The following BASP1 variants were observed in gnomAD, a reference collection of about 807,000 sequenced individuals.
BASP1 encodes the protein brain abundant membrane attached signal protein 1.
In BASP1, 1 loss-of-function variant was observed where a neutral mutation model predicts 2.2. The observed-to-expected ratio is 0.46, with a 90% confidence interval of 0.16 to 2.17. BASP1 has a LOEUF of 2.17. Among genes scored for constraint, BASP1 ranks in the 30% most tolerant of loss-of-function variants. The pLI, the probability that BASP1 is intolerant of heterozygous loss-of-function variation, is 0.27. For synonymous variants in BASP1, 187 were observed against 154.2 expected (o/e 1.21, Z -1.58); for missense variants, 352 against 327.2 (o/e 1.08, Z -0.58).
At chr5:17,254,985 C>T (rs1212507866) in intron 1 of BASP1, among the ~76,000 whole-genome samples, 3 of 152,170 alleles carry the variant, frequency 2.0e-5, no homozygotes, top group Non-Finnish European at 2.9e-5. Flanking sequence ...TAGATAATTT[C>T]AATTCACCCT....
intron 1 of BASP1, among the ~76,000 whole-genome samples, chr5:17,233,074 T>C (rs931473952): frequency 2.0e-5 from 3 of 152,234 alleles, no homozygotes; most frequent in Non-Finnish European, 4.4e-5. Flanking sequence ...CATGTCTAGT[T>C]CTAGCAATAC....
rs1554029415 is a variant in BASP1, at chr5:17,275,944, C to CCCCT, written c.*45_*46insCCTC. On this transcript the variant is annotated 3_prime_UTR_variant, in exon 2 of 2. Coordinates refer to ENST00000322611, the MANE Select transcript of BASP1 (RefSeq NM_006317.5). The surrounding 1 kb of genome is among the most constrained non-coding windows in gnomAD (Gnocchi z 5.3). ...AAAACAATACCACTTAAAACAATCT[C>CCCCT]CTCTCTCTCTCTCTCTCTCTCTCTC... The CCCCT allele has an allele frequency of 7.4e-6, 8 of 1,084,322 alleles. No homozygotes were observed. The African/African-American group carries it at 1.2e-4, about 16-fold the overall frequency. 67.2% of individuals were successfully genotyped at this position (1,084,322 alleles called of 1,614,324 possible). A position where few individuals can be genotyped will look rare whatever the true frequency, so the allele number is the denominator to read the frequency against.
In BASP1 at chr5:17,251,779, CT is replaced by C. The variant is rs1740106309; in HGVS notation, c.-9-23428del. Among the ~76,000 whole-genome samples the C allele has an allele frequency of 6.6e-6, 1 of 152,106 alleles. No homozygotes were observed. The highest frequency in any genetic ancestry group is 2.1e-4 in the South Asian group (1 of 4,820). Reference sequence around the variant, plus strand: ...GCGATGGGGTGGATGTGGTTCTAATCTCTTGGGAGGGAGCAGAGGAGAAAGA... The same window carrying C: ...GCGATGGGGTGGATGTGGTTCTAATCCTTGGGAGGGAGCAGAGGAGAAAGA... On this transcript the variant is annotated intron_variant, in intron 1 of 1. Coordinates refer to ENST00000322611, the MANE Select transcript of BASP1 (RefSeq NM_006317.5). The surrounding 1 kb of genome is among the most constrained non-coding windows in gnomAD (Gnocchi z 4.0).
At chr5:17,238,207 C>T (rs1451859755) in intron 1 of BASP1, among the ~76,000 whole-genome samples, 3 of 151,854 alleles carry the variant, frequency 2.0e-5, no homozygotes, top group Non-Finnish European at 4.4e-5. Context: ...TTGAAATCTT[C>T]CAGATTCATT....
intron 1 of BASP1, among the ~76,000 whole-genome samples, chr5:17,239,124 C>T (rs570409322): frequency 5.3e-5 from 8 of 151,928 alleles, no homozygotes; most frequent in African/African-American, 1.4e-4. Context: ...GATGGAGTCT[C>T]GCTCTGTCAC....
Position 17,221,131 on chromosome 5 carries a change from A to C in BASP1, c.-10+3321A>C, listed in dbSNP as rs148826947. On this transcript the variant is annotated intron_variant, in intron 1 of 1. Transcript: ENST00000322611. ...GCTTTGATACTGGTCTTTGGAACAT[A>C]ATCAATTTCTGTCTTTCTAAATATG... 7.3e-4 allele frequency among the ~76,000 whole-genome samples: 111 copies of C among 152,310 alleles called. 1 individual carries two copies. In the East Asian group the frequency reaches 0.019, roughly 27 times the overall value.
chr5:17,265,225 G>C (rs935913733), intron 1 of BASP1, among the ~76,000 whole-genome samples: 2 of 152,322 alleles, frequency 1.3e-5, no homozygotes, highest in Admixed American at 6.5e-5. Context: ...CCTGGAAATT[G>C]TGCATTGTGC....
chr5:17,275,547 C>G lies in BASP1; in HGVS notation c.331C>G (p.Pro111Ala). 7.1e-7 allele frequency: 1 copy of G among 1,405,034 alleles called. No homozygotes were observed. Among genetic ancestry groups the G allele is most frequent in the Non-Finnish European group, 9.2e-7 (1 of 1,084,250 alleles). 87.0% of individuals were successfully genotyped at this position (1,405,034 alleles called of 1,614,324 possible). A position where few individuals can be genotyped will look rare whatever the true frequency, so the allele number is the denominator to read the frequency against. ...GGCGCCCGAGCAGGAGCAGGCGGCC[C>G]CCGGCCCCGCTGCGGGCGGCGAGGC... ...PKAPEQEQAA[P>A]GPAAGGEAPK... Residue 111 changes from proline to alanine, a missense_variant, in exon 2 of 2, where the codon CCC becomes GCC. Pro to Ala is a conservative substitution (Grantham distance 27). Transcript: ENST00000322611. The surrounding 1 kb of genome is among the most constrained non-coding windows in gnomAD (Gnocchi z 5.3).
intron 1 of BASP1, among the ~76,000 whole-genome samples, chr5:17,270,688 A>G (rs1249941539): frequency 6.6e-6 from 1 of 152,204 alleles, no homozygotes; most frequent in Non-Finnish European, 1.5e-5. Context: ...CTGTGTGCTA[A>G]CTATTCTGTT....
intron 1 of BASP1, among the ~76,000 whole-genome samples, chr5:17,254,974 G>T (rs952519036): frequency 6.6e-6 from 1 of 152,162 alleles, no homozygotes; most frequent in African/African-American, 2.4e-5. Flanking sequence ...GCAGGTGGTC[G>T]TAGATAATTT....
chr5:17,261,169 G>A (rs1179674407), intron 1 of BASP1, among the ~76,000 whole-genome samples: 3 of 152,158 alleles, frequency 2.0e-5, no homozygotes, highest in Non-Finnish European at 4.4e-5. Context: ...ATTAAGGTTC[G>A]TTTTTTTACA....
intron 1 of BASP1, among the ~76,000 whole-genome samples, chr5:17,237,738 G>A (rs1246098615): frequency 2.0e-5 from 3 of 151,562 alleles, no homozygotes; most frequent in African/African-American, 7.3e-5. Flanking sequence ...CACCTCCCGA[G>A]TAGCTGGGAC....
chr5:17,228,953 C>G (rs1739570381), intron 1 of BASP1, among the ~76,000 whole-genome samples: 1 of 151,928 alleles, frequency 6.6e-6, no homozygotes, highest in Admixed American at 6.6e-5. Context: ...AAACCCAAGC[C>G]AGTTTTGAGT....
intron 1 of BASP1, among the ~76,000 whole-genome samples, chr5:17,221,547 G>A (rs1739394837): frequency 6.6e-6 from 1 of 151,974 alleles, no homozygotes; most frequent in Non-Finnish European, 1.5e-5. Context: ...GATGGTCTTA[G>A]CTGGTACCCT....
chr5:17,271,997 C>T (rs1561178547), intron 1 of BASP1, among the ~76,000 whole-genome samples: 1 of 145,596 alleles, frequency 6.9e-6, no homozygotes, highest in Non-Finnish European at 1.5e-5. Context: ...ACCTGGGAGG[C>T]GGAGGTTGCA....
In BASP1 at chr5:17,217,708, G is replaced by T. The variant is rs1739287670; in HGVS notation, c.-112G>T. ...TCCGGGCTCCGCCGTCGAGCCGGGA[G>T]AGAGCCTCCGCCAGCGGCCAGGCAC... On this transcript the variant is annotated 5_prime_UTR_variant, in exon 1 of 2. Transcript: ENST00000322611. 6.5e-6 allele frequency: 1 copy of T among 153,990 alleles called. No homozygotes were observed. The highest frequency in any genetic ancestry group is 1.7e-4 in the South Asian group (1 of 5,816). 9.5% of individuals were successfully genotyped at this position (153,990 alleles called of 1,614,324 possible).
At chr5:17,268,303 C>T (rs977424840) in intron 1 of BASP1, among the ~76,000 whole-genome samples, 18 of 152,072 alleles carry the variant, frequency 1.2e-4, no homozygotes, top group Admixed American at 7.9e-4. Context: ...TTTTCTTATA[C>T]GGCATTTTGC....
chr5:17,250,777 TG>T (rs1326995276), intron 1 of BASP1, among the ~76,000 whole-genome samples: 1 of 152,138 alleles, frequency 6.6e-6, no homozygotes, highest in Non-Finnish European at 1.5e-5. Flanking sequence ...GCTAATTTGT[TG>T]TATTTTTAGT....
chr5:17,256,502 T>G (rs1449774148), intron 1 of BASP1, among the ~76,000 whole-genome samples: 2 of 152,202 alleles, frequency 1.3e-5, no homozygotes, highest in Non-Finnish European at 2.9e-5. Context: ...TCTAGTTGTG[T>G]GTATACATTA....
Sources: allele counts gnomAD v4.1 joint callset (sites outside exome capture counted in the v4.1 genomes callset), GRCh38; gene constraint gnomAD v4.1.1; non-coding constraint Gnocchi (gnomAD v3.1); transcripts MANE v1.5; gene names NCBI Gene and HGNC (gene_info 2026-07-23, HGNC 2026-07-21).